EMC4: variants seen among roughly 807,000 people sequenced by gnomAD.
EMC4 encodes cell proliferation-inducing gene 17 protein.
A neutral mutation model predicts 24.2 loss-of-function variants in EMC4; 9 were observed. That is an observed-to-expected ratio of 0.37 (90% CI 0.22 to 0.65). The LOEUF (loss-of-function observed/expected upper bound fraction) is 0.65. EMC4 is among the 30% of genes least tolerant of loss of function. EMC4 has a pLI of 0.59. For missense variants in EMC4, 169 were observed against 234.6 expected (o/e 0.72, Z 1.83); for synonymous variants, 86 against 81.1 (o/e 1.06, Z -0.32).
Position 34,230,059 on chromosome 15 carries a change from A to T in EMC4, c.*271A>T, listed in dbSNP as rs371851468. On this transcript the variant is annotated 3_prime_UTR_variant, in exon 5 of 5. Transcript: ENST00000267750. ...CAGAGCAAAACAACAACAAAAAAAC[A>T]TAACTATGTAAACAAGAGAATAACT... 1 of 438,294 alleles carries T rather than the reference A, an allele frequency of 2.3e-6. No homozygotes were observed. Among genetic ancestry groups the T allele is most frequent in the Non-Finnish European group, 4.0e-6 (1 of 248,200 alleles). 27.2% of individuals were successfully genotyped at this position (438,294 alleles called of 1,614,324 possible).
In EMC4 at chr15:34,225,492, A is replaced by C. The variant is rs773841957; in HGVS notation, c.87-44A>C. The C allele has an allele frequency of 6.5e-6, 9 of 1,388,388 alleles. No individual in the cohort carries two copies. The Admixed American group carries it at 1.5e-4, about 23-fold the overall frequency. 86.0% of individuals were successfully genotyped at this position (1,388,388 alleles called of 1,614,324 possible). Reference sequence around the variant, plus strand: ...GTAGATCAGGAAATGTGGGATAAGAAGTATCGGAGGTTGCAGCTTTAGTTT... The same window carrying C: ...GTAGATCAGGAAATGTGGGATAAGACGTATCGGAGGTTGCAGCTTTAGTTT... On this transcript the variant is annotated intron_variant, in intron 1 of 4. Coordinates refer to ENST00000267750, the MANE Select transcript of EMC4 (RefSeq NM_016454.4).
Position 34,229,961 on chromosome 15 carries a change from G to GACAA in EMC4, c.*177_*180dup, listed in dbSNP as rs751075931. On this transcript the variant is annotated 3_prime_UTR_variant, in exon 5 of 5. Coordinates refer to ENST00000267750, the MANE Select transcript of EMC4 (RefSeq NM_016454.4). ...CCTAGAAGGACAATGTGCATATTAC[G>GACAA]ACAAACACAAAGAAACTATACCATA... 1.5e-6 allele frequency: 1 copy of GACAA among 660,952 alleles called. No individual in the cohort carries two copies. Among genetic ancestry groups the GACAA allele is most frequent in the South Asian group, 1.7e-5 (1 of 58,040 alleles). The allele number at this position is 660,952 out of a possible 1,614,324, so 40.9% of individuals were successfully genotyped here.
At chr15:34,229,701 A>G in intron 4 of EMC4, 52 bp from the exon 5 acceptor site, 1 of 1,010,850 alleles carries the variant, frequency 9.9e-7, no homozygotes, top group Non-Finnish European at 1.5e-6. Context: ...TCAGGAAGTT[A>G]TTTTAACACT....
In EMC4 at chr15:34,228,692, T is replaced by C. The variant is rs1003518246; in HGVS notation, c.516+103T>C. ...GGAGTTGGTATTTGAGTTTCTTTTT[T>C]TTTTTTTTTTTTTTTTTGAGACGGA... On this transcript the variant is annotated intron_variant, in intron 4 of 4. Coordinates refer to ENST00000267750, the MANE Select transcript of EMC4 (RefSeq NM_016454.4). 2.8e-4 allele frequency: 243 copies of C among 876,938 alleles called. 3 individuals carry two copies. In the East Asian group the frequency reaches 4.7e-3, roughly 17 times the overall value. 54.3% of individuals were successfully genotyped at this position (876,938 alleles called of 1,614,324 possible). A position where few individuals can be genotyped will look rare whatever the true frequency, so the allele number is the denominator to read the frequency against.
Position 34,229,980 on chromosome 15 carries a change from T to C in EMC4, c.*192T>C, listed in dbSNP as rs1253367768. The C allele has an allele frequency of 1.6e-6, 1 of 625,372 alleles. No individual in the cohort carries two copies. Among genetic ancestry groups the C allele is most frequent in the Non-Finnish European group, 2.8e-6 (1 of 355,364 alleles). The allele number at this position is 625,372 out of a possible 1,614,324, so 38.7% of individuals were successfully genotyped here. Reference sequence around the variant, plus strand: ...TATTACGACAAACACAAAGAAACTATACCATAACCCAAGGCTGAAAATAAT... The same window carrying C: ...TATTACGACAAACACAAAGAAACTACACCATAACCCAAGGCTGAAAATAAT... On this transcript the variant is annotated 3_prime_UTR_variant, in exon 5 of 5. Coordinates refer to ENST00000267750, the MANE Select transcript of EMC4 (RefSeq NM_016454.4).
At position 34,228,515 on chromosome 15, in the gene EMC4, G is replaced by A. The variant is rs755816463; in HGVS notation, c.442G>A (p.Val148Ile). The A allele has an allele frequency of 6.2e-7, 1 of 1,614,026 alleles. No individual in the cohort carries two copies. The highest frequency in any genetic ancestry group is 8.5e-7 in the Non-Finnish European group (1 of 1,179,978). The part of the protein sequence containing the change: ...IGNLMGLALA[V>I]YKCQSMGLLP... ...GAACCTGATGGGTTTGGCATTGGCT[G>A]TTTACAAGTGCCAGTCCATGGGACT... The change falls in exon 4 of 5, where the codon GTT becomes ATT. Residue 148 changes from valine to isoleucine, a missense_variant. By Grantham distance (29) the Val-to-Ile change is conservative (BLOSUM62 3). Coordinates refer to ENST00000267750, the MANE Select transcript of EMC4 (RefSeq NM_016454.4).
chr15:34,227,603 AT>A, intron 2 of EMC4, 89 bp from the exon 3 acceptor site: 1 of 1,398,768 alleles, frequency 7.1e-7, no homozygotes, highest in African/African-American at 1.4e-5. Context: ...GGAGTTGGGA[AT>A]TCCGTTCATG....
chr15:34,229,736 T>C lies in EMC4; in HGVS notation c.517-17T>C. On this transcript the variant is annotated splice_polypyrimidine_tract_variant and intron_variant, in intron 4 of 4. Coordinates refer to ENST00000267750, the MANE Select transcript of EMC4 (RefSeq NM_016454.4). The stretch of plus-strand genomic sequence containing the variant: ...TCATTTGCCACTCACCTATTTATTC[T>C]TTCTTTCTTCTTTCAGAGAATGGAG... 4.1e-6 allele frequency: 6 copies of C among 1,463,684 alleles called. No individual in the cohort carries two copies. Among genetic ancestry groups the C allele is most frequent in the Non-Finnish European group, 5.7e-6 (6 of 1,057,582 alleles). The allele number at this position is 1,463,684 out of a possible 1,614,324, so 90.7% of individuals were successfully genotyped here. A position where few individuals can be genotyped will look rare whatever the true frequency, so the allele number is the denominator to read the frequency against.
intron 4 of EMC4, chr15:34,229,028 G>T: frequency 5.9e-6 from 1 of 169,276 alleles, no homozygotes; most frequent in South Asian, 1.7e-4. Context: ...GAGTTTTTAA[G>T]TTATTATTTT....
In EMC4 at chr15:34,228,442, A is replaced by G. The variant is rs775374398; in HGVS notation, c.369A>G (p.Leu123=). 1.9e-6 allele frequency: 3 copies of G among 1,613,446 alleles called. No homozygotes were observed. The highest frequency in any genetic ancestry group is 2.5e-6 in the Non-Finnish European group (3 of 1,179,898). Residue 123 remains leucine, a synonymous_variant, in exon 4 of 5, where the codon TTA becomes TTG. Transcript: ENST00000267750. ...LMAISATFKM[L]ESSSQKFLQG... ...TTACCGCAACAGCTTTCAAGATGTT[A>G]GAAAGTTCAAGCCAGAAGTTTCTTC...
chr15:34,225,957 A>T (rs925606833), intron 2 of EMC4: 7 of 391,520 alleles, frequency 1.8e-5, no homozygotes, highest in Admixed American at 1.6e-4. Flanking sequence ...TCCAACTGTC[A>T]GGATACTCTG....
In EMC4 at chr15:34,225,065, A is replaced by AG; in HGVS notation, c.-49dup. 1 of 1,445,176 alleles carries AG rather than the reference A, an allele frequency of 6.9e-7. No homozygotes were observed. The highest frequency in any genetic ancestry group is 2.5e-5 in the East Asian group (1 of 40,478). The allele number at this position is 1,445,176 out of a possible 1,614,324, so 89.5% of individuals were successfully genotyped here. A position where few individuals can be genotyped will look rare whatever the true frequency, so the allele number is the denominator to read the frequency against. ...GAGAACGCTGGTGGGCCTGTTGTGGAGTACGCTTTGGACTGAGAAGCATCG... is the reference window on the plus strand; with the variant it reads ...GAGAACGCTGGTGGGCCTGTTGTGGAGGTACGCTTTGGACTGAGAAGCATCG... On this transcript the variant is annotated 5_prime_UTR_variant, in exon 1 of 5. Coordinates refer to ENST00000267750, the MANE Select transcript of EMC4 (RefSeq NM_016454.4).
At position 34,227,822 on chromosome 15, in the gene EMC4, C is replaced by G; in HGVS notation, c.331C>G (p.Gln111Glu). Residue 111 changes from glutamine to glutamate, a missense_variant, in exon 3 of 5, where the codon CAG (glutamine) becomes GAG (glutamate). Transcript: ENST00000267750. ...GTGTATGATGGCCTGGCGACCCATT[C>G]AGGCACTTATGGCCATTTCAGCCAG... is the stretch of plus-strand genomic sequence containing the variant. Reference protein sequence around the residue: ...MVCMMAWRPIQALMAISATFK... With the variant: ...MVCMMAWRPIEALMAISATFK... 2 of 1,614,100 alleles carry G rather than the reference C, an allele frequency of 1.2e-6. No individual in the cohort carries two copies. The highest frequency in any genetic ancestry group is 1.7e-6 in the Non-Finnish European group (2 of 1,179,968).
intron 3 of EMC4, 55 bp downstream of exon 3, chr15:34,227,901 C>A: frequency 6.3e-7 from 1 of 1,578,922 alleles, no homozygotes. Context: ...TAAAGGCAGG[C>A]CGGGCATGGT....
At chr15:34,227,480 G>T (rs1890675785) in intron 2 of EMC4, 1 of 447,514 alleles carries the variant, frequency 2.2e-6, no homozygotes, top group African/African-American at 1.9e-5. Context: ...AACCTATAGG[G>T]AAAGGCATAA....
rs1026518894 is a variant in EMC4, at chr15:34,230,150, A to T, written c.*362A>T. 3 of 233,100 alleles carry T rather than the reference A, an allele frequency of 1.3e-5. No individual in the cohort carries two copies. The highest frequency in any genetic ancestry group is 2.5e-5 in the Non-Finnish European group (3 of 121,784). 14.4% of individuals were successfully genotyped at this position (233,100 alleles called of 1,614,324 possible). A position where few individuals can be genotyped will look rare whatever the true frequency, so the allele number is the denominator to read the frequency against. ...AATTAAATGGTTGAGAACAATGCAT[A>T]AAAAAAGTTGCACAAGTTCCTTATT... On this transcript the variant is annotated 3_prime_UTR_variant, in exon 5 of 5. Transcript: ENST00000267750.
chr15:34,228,306 C>T (rs1189697677), intron 3 of EMC4, 123 bp from the exon 4 acceptor site: 1 of 985,070 alleles, frequency 1.0e-6, no homozygotes, highest in Non-Finnish European at 1.5e-6. Context: ...TTTCTGTTTG[C>T]CTTTAATGGT....
rs959935524 is a variant in EMC4, at chr15:34,230,050, CA to C, written c.*269del. The C allele has an allele frequency of 6.7e-6, 3 of 447,208 alleles. No individual in the cohort carries two copies. Among genetic ancestry groups the C allele is most frequent in the East Asian group, 3.5e-5 (1 of 28,528 alleles). The allele number at this position is 447,208 out of a possible 1,614,324, so 27.7% of individuals were successfully genotyped here. A position where few individuals can be genotyped will look rare whatever the true frequency, so the allele number is the denominator to read the frequency against. On this transcript the variant is annotated 3_prime_UTR_variant, in exon 5 of 5. Coordinates refer to ENST00000267750, the MANE Select transcript of EMC4 (RefSeq NM_016454.4). The stretch of plus-strand genomic sequence containing the variant: ...TTTCCAGTACAGAGCAAAACAACAA[CA>C]AAAAAACATAACTATGTAAACAAGA...
chr15:34,227,572 A>C, intron 2 of EMC4, 121 bp from the exon 3 acceptor site: 4 of 1,027,852 alleles, frequency 3.9e-6, no homozygotes, highest in Non-Finnish European at 5.9e-6. Flanking sequence ...AGAATTGAGG[A>C]GTCAGCTCAG....
Sources: allele counts gnomAD v4.1 joint callset, GRCh38; gene constraint gnomAD v4.1.1; transcripts MANE v1.5; gene names NCBI Gene and HGNC (gene_info 2026-07-23, HGNC 2026-07-21).